The following CPQ variants were observed in gnomAD, a reference collection of about 807,000 sequenced individuals.
CPQ encodes the protein Ser-Met dipeptidase.
In CPQ, 37 loss-of-function variants were observed where a neutral mutation model predicts 45.7. The observed-to-expected ratio is 0.81, with a 90% CI of 0.62 to 1.07. CPQ has a LOEUF of 1.07. Ranked by LOEUF, CPQ falls within the 50% of genes least tolerant of loss-of-function variation. The pLI, the probability that CPQ is intolerant of heterozygous loss-of-function variation, is 0.00. For synonymous variants in CPQ, 186 were observed against 205.8 expected (o/e 0.90, Z 0.82); for missense variants, 537 against 572.9 (o/e 0.94, Z 0.64).
Position 96,763,897 on chromosome 8 carries a change from A to G in CPQ, c.-34-20967A>G, listed in dbSNP as rs141262900. The stretch of plus-strand genomic sequence containing the variant: ...GACCATATCAAGTGTTGGTGAACAT[A>G]CAGAGGAACTAGAACTCTCATATAC... On this transcript the variant is annotated intron_variant, in intron 1 of 7. Coordinates refer to ENST00000220763, the MANE Select transcript of CPQ (RefSeq NM_016134.4). Among the ~76,000 whole-genome samples, 1,203 of 152,304 alleles carry G rather than the reference A, an allele frequency of 7.9e-3. 19 individuals carry two copies. The highest frequency in any genetic ancestry group is 0.023 in the African/African-American group (938 of 41,582).
chr8:96,757,449 A>G (rs1482005066), intron 1 of CPQ, among the ~76,000 whole-genome samples: 2 of 150,758 alleles, frequency 1.3e-5, no homozygotes, highest in East Asian at 3.9e-4. Flanking sequence ...TTCAGCATTG[A>G]CTGTTCCTAA....
chr8:96,787,998 T>C (rs1044260662), intron 2 of CPQ, among the ~76,000 whole-genome samples: 2 of 152,040 alleles, frequency 1.3e-5, no homozygotes, highest in African/African-American at 2.4e-5. Context: ...TGCTTAACCT[T>C]CAGTTTTGAA....
chr8:96,925,221 C>A (rs1451840451), intron 4 of CPQ, among the ~76,000 whole-genome samples: 3 of 152,178 alleles, frequency 2.0e-5, no homozygotes, highest in Non-Finnish European at 4.4e-5. Flanking sequence ...AAGGCCCTGG[C>A]ATAATTTCTC....
chr8:96,966,158 T>G (rs970791435), intron 5 of CPQ, 112 bp downstream of exon 5: 8 of 680,260 alleles, frequency 1.2e-5, no homozygotes, highest in Non-Finnish European at 1.9e-5. Flanking sequence ...AAGATCCTCT[T>G]GAGGTCAGTT....
At chr8:96,897,546 A>C (rs887958492) in intron 4 of CPQ, among the ~76,000 whole-genome samples, 3 of 152,212 alleles carry the variant, frequency 2.0e-5, no homozygotes, top group African/African-American at 7.2e-5. Flanking sequence ...GTTGGGTCAC[A>C]GTCAAAAGGT....
chr8:96,648,293 G>T (rs567128649), intron 1 of CPQ, among the ~76,000 whole-genome samples: 1 of 152,148 alleles, frequency 6.6e-6, no homozygotes, highest in African/African-American at 2.4e-5. Context: ...CCTTCCCATT[G>T]CTCACAATAT....
chr8:96,850,379 G>T (rs747604434), intron 3 of CPQ, among the ~76,000 whole-genome samples: 1 of 152,030 alleles, frequency 6.6e-6, no homozygotes, highest in African/African-American at 2.4e-5. Context: ...TCATCTATTT[G>T]CCTACTAAGG....
chr8:97,077,781 T>A (rs1223958183), intron 7 of CPQ, among the ~76,000 whole-genome samples: 1 of 152,178 alleles, frequency 6.6e-6, no homozygotes, highest in Non-Finnish European at 1.5e-5. Flanking sequence ...AAAAAGTGGA[T>A]CCACACACTT....
At chr8:96,835,295 T>G (rs564848757) in intron 3 of CPQ, 115 bp downstream of exon 3, 1 of 811,690 alleles carries the variant, frequency 1.2e-6, no homozygotes, top group South Asian at 3.3e-5. Flanking sequence ...GTTCATGGAG[T>G]TTCCCCCCCA....
chr8:96,857,348 C>T (rs1164876731), intron 3 of CPQ, among the ~76,000 whole-genome samples: 1 of 152,162 alleles, frequency 6.6e-6, no homozygotes, highest in Non-Finnish European at 1.5e-5. Context: ...CCCGCCTCCT[C>T]CTCTACTTAA....
chr8:96,926,071 C>T (rs914876442), intron 4 of CPQ, among the ~76,000 whole-genome samples: 1 of 152,188 alleles, frequency 6.6e-6, no homozygotes, highest in East Asian at 1.9e-4. Context: ...TGATTGCTCT[C>T]TTCTCTGAAA....
intron 1 of CPQ, among the ~76,000 whole-genome samples, chr8:96,697,010 G>A (rs910862143): frequency 1.3e-5 from 2 of 152,024 alleles, no homozygotes; most frequent in Non-Finnish European, 2.9e-5. Flanking sequence ...TTCCAAACTG[G>A]CCTTCTATGA....
chr8:96,721,498 CCTT>C (rs1809763356), intron 1 of CPQ, among the ~76,000 whole-genome samples: 1 of 152,000 alleles, frequency 6.6e-6, no homozygotes, highest in South Asian at 2.1e-4. Context: ...CAGAAGTCCT[CCTT>C]CTACTACTTT....
At chr8:96,875,682 A>C (rs190968095) in intron 3 of CPQ, among the ~76,000 whole-genome samples, 1 of 151,882 alleles carries the variant, frequency 6.6e-6, no homozygotes, top group African/African-American at 2.4e-5. Context: ...GTACCATGCT[A>C]TCTTGGTTAC....
At chr8:96,767,863 C>T (rs1407323842) in intron 1 of CPQ, among the ~76,000 whole-genome samples, 1 of 151,840 alleles carries the variant, frequency 6.6e-6, no homozygotes, top group Non-Finnish European at 1.5e-5. Context: ...AGGCTGGTCT[C>T]GAACCCCTAA....
chr8:96,919,267 A>G (rs560832286), intron 4 of CPQ, among the ~76,000 whole-genome samples: 28 of 152,252 alleles, frequency 1.8e-4, no homozygotes, highest in African/African-American at 6.7e-4. Context: ...TCTTTGGAGA[A>G]GGTACTCCTG....
At chr8:96,978,074 C>A (rs189665051) in intron 5 of CPQ, among the ~76,000 whole-genome samples, 73 of 152,202 alleles carry the variant, frequency 4.8e-4, no homozygotes, top group Middle Eastern at 3.4e-3. Flanking sequence ...TCCTCTTTTT[C>A]TTTAGAGATG....
intron 1 of CPQ, among the ~76,000 whole-genome samples, chr8:96,738,780 G>T (rs997976957): frequency 2.0e-5 from 3 of 152,174 alleles, no homozygotes; most frequent in Non-Finnish European, 4.4e-5. Flanking sequence ...TCCCTACAAA[G>T]GACATGAACT....
chr8:97,107,615 T>A (rs1305001159), intron 7 of CPQ, among the ~76,000 whole-genome samples: 1 of 152,160 alleles, frequency 6.6e-6, no homozygotes, highest in Non-Finnish European at 1.5e-5. Context: ...AGAGTACCCA[T>A]GATCTAGATG....
Sources: allele counts gnomAD v4.1 joint callset (sites outside exome capture counted in the v4.1 genomes callset), GRCh38; gene constraint gnomAD v4.1.1; transcripts MANE v1.5; gene names NCBI Gene and HGNC (gene_info 2026-07-23, HGNC 2026-07-21).